The following GNPDA2 variants were observed in gnomAD, a reference collection of about 807,000 sequenced individuals.
The protein encoded by GNPDA2 is glucosamine-6-phosphate deaminase 2.
Under a neutral mutation model 27.0 loss-of-function variants are expected in GNPDA2, and 24 were observed. That is an observed-to-expected ratio of 0.89 (90% CI 0.64 to 1.25). GNPDA2 has a LOEUF of 1.25. GNPDA2 is among the 50% of genes most tolerant of loss of function. GNPDA2 has a pLI of 0.00. For missense variants in GNPDA2, 286 were observed against 335.1 expected (o/e 0.85, Z 1.14); for synonymous variants, 94 against 108.4 (o/e 0.87, Z 0.83).
At chr4:44,703,863 G>GA in intron 6 of GNPDA2, 2 of 984,672 alleles carry the variant, frequency 2.0e-6, no homozygotes, top group South Asian at 4.7e-5. Context: ...TCTTTGGGGA[G>GA]AAAAAAGTTC....
At chr4:44,721,821 AAT>A (rs1280699836) in intron 2 of GNPDA2, among the ~76,000 whole-genome samples, 1 of 152,116 alleles carries the variant, frequency 6.6e-6, no homozygotes, top group Non-Finnish European at 1.5e-5. Flanking sequence ...ATGTACAAAA[AAT>A]ATGAACAACA....
chr4:44,713,788 G>A (rs984506174), intron 4 of GNPDA2, among the ~76,000 whole-genome samples: 2 of 152,026 alleles, frequency 1.3e-5, no homozygotes, highest in Admixed American at 6.6e-5. Context: ...GCTGAGGCAG[G>A]AGGATCGCTT....
At chr4:44,714,194 C>T (rs1022837396) in intron 4 of GNPDA2, 6 of 458,606 alleles carry the variant, frequency 1.3e-5, no homozygotes, top group East Asian at 1.6e-4. Flanking sequence ...AGGCTGGTGT[C>T]GAACTCCCAA....
At chr4:44,722,557 G>T (rs949642060) in intron 1 of GNPDA2, among the ~76,000 whole-genome samples, 1 of 152,130 alleles carries the variant, frequency 6.6e-6, no homozygotes, top group African/African-American at 2.4e-5. Flanking sequence ...AAAGATGTTT[G>T]CATCTGTATT....
chr4:44,725,300 C>T (rs1717942041), intron 1 of GNPDA2, among the ~76,000 whole-genome samples: 1 of 152,140 alleles, frequency 6.6e-6, no homozygotes, highest in African/African-American at 2.4e-5. Flanking sequence ...TAAAAAGTGG[C>T]CCGGGGAGCT....
At position 44,702,388 on chromosome 4, in the gene GNPDA2, A is replaced by G. The variant is rs1716328300; in HGVS notation, c.*693T>C. 23 of 959,572 alleles carry G rather than the reference A, an allele frequency of 2.4e-5. No homozygotes were observed. The highest frequency in any genetic ancestry group is 2.7e-5 in the Non-Finnish European group (22 of 806,134). 59.4% of individuals were successfully genotyped at this position (959,572 alleles called of 1,614,324 possible). A position where few individuals can be genotyped will look rare whatever the true frequency, so the allele number is the denominator to read the frequency against. On this transcript the variant is annotated 3_prime_UTR_variant, in exon 7 of 7. Transcript: ENST00000295448. ...AGGTATAAAGCTCATAATTGTCAAGATACTTATATTAGGGACATGAACCCA... is the reference window on the plus strand; with the variant it reads ...AGGTATAAAGCTCATAATTGTCAAGGTACTTATATTAGGGACATGAACCCA...
intron 4 of GNPDA2, among the ~76,000 whole-genome samples, chr4:44,716,475 G>T (rs1371215921): frequency 7.3e-5 from 11 of 151,080 alleles, no homozygotes; most frequent in African/African-American, 1.7e-4. Context: ...AAACCACGTT[G>T]TCATTACAAA....
At chr4:44,722,272 CA>C (rs1431773249) in intron 1 of GNPDA2, 30 bp from the exon 2 acceptor site, 3 of 1,502,148 alleles carry the variant, frequency 2.0e-6, no homozygotes, top group Middle Eastern at 3.5e-4. Flanking sequence ...GAACACTTTA[CA>C]TAATAAACAG....
At chr4:44,711,674 G>A (rs1491326) in intron 4 of GNPDA2, among the ~76,000 whole-genome samples, 2,217 of 151,604 alleles carry the variant, frequency 0.015, 53 homozygotes, top group African/African-American at 0.048. Flanking sequence ...TTAACTAGTA[G>A]ACCTTTCTGT....
intron 2 of GNPDA2, among the ~76,000 whole-genome samples, chr4:44,718,633 T>C (rs1186168778): frequency 2.0e-5 from 3 of 151,908 alleles, no homozygotes; most frequent in African/African-American, 7.2e-5. Flanking sequence ...AAATTAAAGT[T>C]TGGAAAATTA....
intron 4 of GNPDA2, 132 bp downstream of exon 4, chr4:44,716,981 G>A: frequency 1.8e-6 from 1 of 546,468 alleles, no homozygotes; most frequent in Non-Finnish European, 3.2e-6. Context: ...GGAATCAGTA[G>A]CAGAATAAAC....
chr4:44,722,048 A>G (rs1175149947), intron 2 of GNPDA2, 36 bp downstream of exon 2: 2 of 1,434,256 alleles, frequency 1.4e-6, no homozygotes, highest in Admixed American at 1.8e-5. Flanking sequence ...AATTTAGATA[A>G]TATCAGAATA....
intron 6 of GNPDA2, chr4:44,703,844 T>C: frequency 1.0e-6 from 1 of 984,938 alleles, no homozygotes; most frequent in Non-Finnish European, 1.2e-6. Flanking sequence ...AATGCCTCAG[T>C]ACTATATTTC....
At chr4:44,723,418 A>T (rs1413829539) in intron 1 of GNPDA2, among the ~76,000 whole-genome samples, 1 of 152,074 alleles carries the variant, frequency 6.6e-6, no homozygotes, top group East Asian at 1.9e-4. Flanking sequence ...AACCCTTCTA[A>T]GCCTCTAATA....
intron 1 of GNPDA2, among the ~76,000 whole-genome samples, chr4:44,726,182 C>T (rs1476992935): frequency 6.6e-6 from 1 of 152,140 alleles, no homozygotes; most frequent in African/African-American, 2.4e-5. Flanking sequence ...ATGAGGATGA[C>T]TGTTAGGAAT....
rs1247568073 is a variant in GNPDA2, at chr4:44,703,097, A to T, written c.815T>A (p.Met272Lys). ...CAGTCTCCTTCAGTTTCCATCTTTC[A>T]TACTGAATAGTGGATCCACAAGTTT... ...HNKLVDPLFSMKDGN is the reference protein window; with the variant it reads ...HNKLVDPLFSKKDGN The change falls in exon 7 of 7, where the codon ATG becomes AAG. Residue 272 changes from methionine (M) to lysine (K), a missense_variant. Coordinates refer to ENST00000295448, the MANE Select transcript of GNPDA2 (RefSeq NM_138335.3). 9 of 1,612,080 alleles carry T rather than the reference A, an allele frequency of 5.6e-6. No homozygotes were observed. The highest frequency in any genetic ancestry group is 1.3e-5 in the African/African-American group (1 of 74,844).
chr4:44,705,288 A>C (rs541463071), intron 6 of GNPDA2: 307 of 982,556 alleles, frequency 3.1e-4, no homozygotes, highest in Non-Finnish European at 3.7e-4. Flanking sequence ...GTGTTTATTT[A>C]AGAATATTCA....
intron 4 of GNPDA2, among the ~76,000 whole-genome samples, chr4:44,716,707 C>T (rs1717314243): frequency 6.6e-6 from 1 of 151,818 alleles, no homozygotes; most frequent in Non-Finnish European, 1.5e-5. Context: ...CCACCTGTTC[C>T]TCATGCAAAC....
chr4:44,712,512 A>C (rs1162595931), intron 4 of GNPDA2, among the ~76,000 whole-genome samples: 1 of 138,886 alleles, frequency 7.2e-6, no homozygotes, highest in Non-Finnish European at 1.6e-5. Flanking sequence ...TGTTTCTACT[A>C]TTAAGTATGT....
Sources: gnomAD v4.1 joint callset for allele counts (sites outside exome capture counted in the v4.1 genomes callset) on GRCh38, gnomAD v4.1.1 for gene constraint, MANE v1.5 for transcripts, NCBI Gene and HGNC (gene_info 2026-07-23, HGNC 2026-07-21) for gene names.